Variants in PRTG observed in about 807,000 individuals in gnomAD.
PRTG encodes the protein protogenin, also known as immunoglobulin superfamily, DCC subclass, member 5.
Under a neutral mutation model 122.5 loss-of-function variants are expected in PRTG, and 67 were observed. The ratio of observed to expected loss-of-function variants is 0.55; its 90% CI spans 0.45 to 0.67. The LOEUF is 0.67. Ranked by LOEUF, PRTG falls within the 30% of genes least tolerant of loss-of-function variation. PRTG has a pLI of 0.00. For synonymous variants in PRTG, 554 were observed against 501.1 expected, an observed-to-expected ratio of 1.11 and a Z score of -1.41; for missense variants, 1,435 against 1,415.4, an observed-to-expected ratio of 1.01 and a Z score of -0.22.
At chr15:55,714,595 G>A (rs2030530251) in intron 2 of PRTG, among the ~76,000 whole-genome samples, 1 of 151,626 alleles carries the variant, frequency 6.6e-6, no homozygotes, top group Non-Finnish European at 1.5e-5. Context: ...GTTTCTAAGT[G>A]AACACTATTT....
intron 2 of PRTG, among the ~76,000 whole-genome samples, 186 bp from the exon 3 acceptor site, chr15:55,684,117 C>T (rs1391206263): frequency 1.3e-5 from 2 of 152,188 alleles, no homozygotes; most frequent in African/African-American, 2.4e-5. Flanking sequence ...GCCCAATTTA[C>T]GAAGTCTGGT....
At chr15:55,660,362 A>T (rs555751603) in intron 11 of PRTG, among the ~76,000 whole-genome samples, 5 of 151,988 alleles carry the variant, frequency 3.3e-5, no homozygotes, top group African/African-American at 9.6e-5. Context: ...GGTTTCTTTT[A>T]AAAAAAAGAA....
chr15:55,729,098 G>A (rs1567117667), intron 2 of PRTG, among the ~76,000 whole-genome samples: 1 of 152,176 alleles, frequency 6.6e-6, no homozygotes, highest in African/African-American at 2.4e-5. Context: ...AAAGGCAAAT[G>A]TTCACTACAG....
chr15:55,625,462 T>TC (rs1318710953), intron 17 of PRTG, among the ~76,000 whole-genome samples: 3 of 152,020 alleles, frequency 2.0e-5, no homozygotes, highest in Non-Finnish European at 4.4e-5. Context: ...TTTCTTTTTT[T>TC]TTTTTTAGAC....
intron 2 of PRTG, among the ~76,000 whole-genome samples, chr15:55,710,946 G>A (rs1438836250): frequency 1.3e-5 from 2 of 151,608 alleles, no homozygotes; most frequent in African/African-American, 2.4e-5. Flanking sequence ...TGCTCTTGTC[G>A]CCCGGGCTGG....
chr15:55,730,933 G>A (rs936647594), intron 2 of PRTG, among the ~76,000 whole-genome samples: 8 of 152,192 alleles, frequency 5.3e-5, no homozygotes, highest in African/African-American at 1.9e-4. Context: ...TAAGACTACA[G>A]AAGTTGCGAT....
intron 9 of PRTG, 111 bp downstream of exon 9, chr15:55,675,408 C>T (rs897514174): frequency 2.6e-4 from 193 of 728,782 alleles, no homozygotes; most frequent in Middle Eastern, 3.2e-4. Flanking sequence ...ATTTAACATA[C>T]CTGTTTTTTA....
At chr15:55,665,975 T>G (rs1400319153) in intron 11 of PRTG, among the ~76,000 whole-genome samples, 1 of 152,266 alleles carries the variant, frequency 6.6e-6, no homozygotes, top group East Asian at 1.9e-4. Context: ...TGCATGCATT[T>G]ATGTATTTTC....
chr15:55,637,129 A>T lies in PRTG; in HGVS notation c.2623+41T>A, dbSNP rs370106672. 1,126 of 1,360,096 alleles carry T rather than the reference A, an allele frequency of 8.3e-4. 10 individuals are homozygous for T. The South Asian group carries it at 0.011, about 14-fold the overall frequency. 84.3% of individuals were successfully genotyped at this position (1,360,096 alleles called of 1,614,324 possible). A position where few individuals can be genotyped will look rare whatever the true frequency, so the allele number is the denominator to read the frequency against. ...TTCCTTTTGTTTCTTTAATATTAAT[A>T]ATCGTACTTTTCACCCTTCATGGCA... On this transcript the variant is annotated intron_variant, in intron 15 of 19. Coordinates refer to ENST00000389286, the MANE Select transcript of PRTG (RefSeq NM_173814.6).
intron 11 of PRTG, among the ~76,000 whole-genome samples, chr15:55,668,389 TA>T (rs1421304741): frequency 2.6e-5 from 4 of 152,194 alleles, no homozygotes; most frequent in African/African-American, 9.7e-5. Flanking sequence ...CTTCAGAATT[TA>T]AAGCCAATTT....
In PRTG at chr15:55,613,801, T is replaced by C. The variant is rs1046299686; in HGVS notation, c.*6211A>G. 1 of 144,018 alleles carries C rather than the reference T, an allele frequency of 6.9e-6. No individual in the cohort carries two copies. Among genetic ancestry groups the C allele is most frequent in the Non-Finnish European group, 1.5e-5 (1 of 66,316 alleles). The allele number at this position is 144,018 out of a possible 1,614,324, so 8.9% of individuals were successfully genotyped here. On this transcript the variant is annotated 3_prime_UTR_variant, in exon 20 of 20. Coordinates refer to ENST00000389286, the MANE Select transcript of PRTG (RefSeq NM_173814.6). Reference sequence around the variant, plus strand: ...TTTTTTAAGCTGAGACAATGTATCATAGTCCTATACACTTCTGAGTAAGGA... The same window carrying C: ...TTTTTTAAGCTGAGACAATGTATCACAGTCCTATACACTTCTGAGTAAGGA...
intron 2 of PRTG, among the ~76,000 whole-genome samples, chr15:55,732,514 G>T (rs1470125433): frequency 9.0e-6 from 1 of 111,324 alleles, no homozygotes; most frequent in African/African-American, 3.2e-5. Context: ...TTTTTTTTGA[G>T]ACGGAGTTTC....
chr15:55,681,843 A>G (rs1398047942), intron 4 of PRTG, among the ~76,000 whole-genome samples: 1 of 152,222 alleles, frequency 6.6e-6, no homozygotes, highest in African/African-American at 2.4e-5. Context: ...ACACTTTTAA[A>G]AACGAAAGTG....
intron 15 of PRTG, among the ~76,000 whole-genome samples, chr15:55,629,925 C>T (rs1240465389): frequency 2.7e-5 from 4 of 149,126 alleles, no homozygotes; most frequent in African/African-American, 9.9e-5. Context: ...TCAAGCAATT[C>T]TCCTGCCTCA....
chr15:55,628,788 A>G (rs751237989), intron 16 of PRTG, 34 bp downstream of exon 16: 1 of 1,535,200 alleles, frequency 6.5e-7, no homozygotes, highest in South Asian at 1.2e-5. Flanking sequence ...TTTTTTCTTA[A>G]GAAAAATCAC....
intron 2 of PRTG, among the ~76,000 whole-genome samples, chr15:55,715,661 C>T (rs2030573534): frequency 1.3e-5 from 2 of 152,086 alleles, no homozygotes; most frequent in Admixed American, 6.6e-5. Flanking sequence ...AATTACATAT[C>T]CAAAAAACCC....
intron 2 of PRTG, among the ~76,000 whole-genome samples, chr15:55,724,966 C>T (rs879578622): frequency 1.3e-5 from 2 of 152,010 alleles, no homozygotes; most frequent in East Asian, 3.9e-4. Context: ...CTGCTCAAAG[C>T]CATAGGAAGA....
intron 11 of PRTG, among the ~76,000 whole-genome samples, chr15:55,653,541 G>T (rs1432310949): frequency 6.6e-6 from 1 of 151,206 alleles, no homozygotes; most frequent in African/African-American, 2.4e-5. Context: ...TCGGCTCACT[G>T]CAACCTCTGC....
At chr15:55,660,435 C>T (rs559722965) in intron 11 of PRTG, among the ~76,000 whole-genome samples, 43 of 152,244 alleles carry the variant, frequency 2.8e-4, no homozygotes, top group Admixed American at 1.1e-3. Flanking sequence ...TTTACATTCA[C>T]CAGAAACTTC....
Sources: allele counts gnomAD v4.1 joint callset (sites outside exome capture counted in the v4.1 genomes callset), GRCh38; gene constraint gnomAD v4.1.1; transcripts MANE v1.5; gene names NCBI Gene and HGNC (gene_info 2026-07-23, HGNC 2026-07-21).